AGBL1: variants seen among roughly 807,000 people sequenced by gnomAD.
AGBL1 encodes the protein AGBL carboxypeptidase 1.
In AGBL1, 130 loss-of-function variants were observed where a neutral mutation model predicts 118.9. That is an observed-to-expected ratio of 1.09 (90% confidence interval 0.95 to 1.26). AGBL1 has a LOEUF of 1.26. Ranked by LOEUF, AGBL1 falls within the 50% of genes most tolerant of loss-of-function variation. AGBL1 has a pLI of 0.00. For synonymous variants in AGBL1, 555 were observed against 478.9 expected, an observed-to-expected ratio of 1.16 and a Z score of -2.08; for missense variants, 1,584 against 1,298.1, an observed-to-expected ratio of 1.22 and a Z score of -3.38.
chr15:86,402,222 A>T (rs1160398488), intron 18 of AGBL1, among the ~76,000 whole-genome samples: 1 of 150,762 alleles, frequency 6.6e-6, no homozygotes, highest in African/African-American at 2.5e-5. Flanking sequence ...TTATTTTTAC[A>T]GCTGTTGCAA....
At chr15:86,534,459 G>T (rs1310101638) in intron 19 of AGBL1, among the ~76,000 whole-genome samples, 1 of 152,156 alleles carries the variant, frequency 6.6e-6, no homozygotes, top group Non-Finnish European at 1.5e-5. Context: ...GAAAGTCCAG[G>T]AGTTTTCTGT....
chr15:86,227,645 T>A (rs1226522511), intron 6 of AGBL1, among the ~76,000 whole-genome samples: 1 of 152,240 alleles, frequency 6.6e-6, no homozygotes, highest in Non-Finnish European at 1.5e-5. Flanking sequence ...GGTACACACA[T>A]GAGCTGAAGC....
At chr15:86,237,871 C>T (rs2078578539) in intron 6 of AGBL1, among the ~76,000 whole-genome samples, 1 of 152,170 alleles carries the variant, frequency 6.6e-6, no homozygotes, top group Non-Finnish European at 1.5e-5. Flanking sequence ...CCCTGCTCAC[C>T]TTTCCCGTCA....
chr15:86,551,934 C>A (rs2083668637), intron 20 of AGBL1, among the ~76,000 whole-genome samples: 1 of 152,162 alleles, frequency 6.6e-6, no homozygotes, highest in African/African-American at 2.4e-5. Context: ...CTGGAGAAAG[C>A]AAAACCATGG....
intron 21 of AGBL1, among the ~76,000 whole-genome samples, chr15:86,574,550 T>C (rs991806829): frequency 6.7e-6 from 1 of 149,918 alleles, no homozygotes; most frequent in African/African-American, 2.4e-5. Context: ...ATATGTTCTA[T>C]ACAATTCTTA....
chr15:86,479,978 C>T (rs1350627650), intron 18 of AGBL1, among the ~76,000 whole-genome samples: 2 of 151,940 alleles, frequency 1.3e-5, no homozygotes, highest in Admixed American at 6.6e-5. Flanking sequence ...AGCAAACTAT[C>T]GCAAGGACAA....
chr15:86,900,174 T>C lies in AGBL1; in HGVS notation c.3159-6913T>C, dbSNP rs149494807. 5.8e-3 allele frequency among the ~76,000 whole-genome samples: 887 copies of C among 152,272 alleles called. 5 individuals are homozygous for C. The highest frequency in any genetic ancestry group is 0.018 in the African/African-American group (742 of 41,570). On this transcript the variant is annotated intron_variant, in intron 22 of 22. Coordinates refer to ENST00000614907, the MANE Select transcript of AGBL1 (RefSeq NM_001386094.1). ...TGTTGTCTTCCCTACTTTTGAGGTT[T>C]TGGGGACTCAGACTGGCTTTCTGGC...
intron 22 of AGBL1, among the ~76,000 whole-genome samples, chr15:86,680,565 C>CTTTTTTTTTTTTTTTTTTTTTTTT (rs34873609): frequency 3.8e-4 from 36 of 94,704 alleles, no homozygotes; most frequent in African/African-American, 5.5e-4. Flanking sequence ...TCTTTCTTTT[C>CTTTTTTTTTTTTTTTTTTTTTTTT]TTTTTTTTTT....
At chr15:86,991,090 T>C (rs1454113745) in intron 24 of AGBL1, among the ~76,000 whole-genome samples, 2 of 152,240 alleles carry the variant, frequency 1.3e-5, no homozygotes, top group Non-Finnish European at 2.9e-5. Context: ...AGACCTGCAA[T>C]GTAGTTTTTT....
intron 21 of AGBL1, among the ~76,000 whole-genome samples, chr15:86,580,862 T>A (rs962177735): frequency 1.2e-4 from 18 of 152,186 alleles, no homozygotes; most frequent in Non-Finnish European, 2.5e-4. Context: ...GATAAGAATT[T>A]TCCACATTGC....
chr15:86,598,432 A>T (rs538266759), intron 21 of AGBL1, among the ~76,000 whole-genome samples: 13 of 152,272 alleles, frequency 8.5e-5, no homozygotes, highest in African/African-American at 2.9e-4. Flanking sequence ...AATGCAAAAT[A>T]TAGCCAGTTC....
chr15:86,966,175 T>C (rs1005708700), intron 23 of AGBL1, among the ~76,000 whole-genome samples: 2 of 151,960 alleles, frequency 1.3e-5, no homozygotes, highest in African/African-American at 4.8e-5. Context: ...TATCAGGGAC[T>C]CTGTAGTATT....
chr15:86,082,801 G>T (rs1895373210), intron 1 of AGBL1, among the ~76,000 whole-genome samples: 1 of 152,178 alleles, frequency 6.6e-6, no homozygotes, highest in Admixed American at 6.5e-5. Flanking sequence ...TTACAGCGTG[G>T]GTGTGAGGCA....
chr15:86,161,947 T>C (rs1010539058), intron 5 of AGBL1, among the ~76,000 whole-genome samples: 20 of 152,252 alleles, frequency 1.3e-4, no homozygotes, highest in African/African-American at 4.8e-4. Context: ...AAATAATGTG[T>C]AAAGACATCG....
At chr15:86,483,637 A>G (rs1046605646) in intron 18 of AGBL1, among the ~76,000 whole-genome samples, 1 of 152,048 alleles carries the variant, frequency 6.6e-6, no homozygotes, top group Non-Finnish European at 1.5e-5. Flanking sequence ...CAGGGGGAAA[A>G]GTTGATGATT....
chr15:86,965,360 G>T (rs1298018197), intron 23 of AGBL1, among the ~76,000 whole-genome samples: 2 of 151,780 alleles, frequency 1.3e-5, no homozygotes, highest in East Asian at 1.9e-4. Flanking sequence ...TGTGGTTTTG[G>T]TTTGCATTTC....
chr15:86,162,210 C>A (rs1055124517), intron 5 of AGBL1, among the ~76,000 whole-genome samples: 1 of 152,058 alleles, frequency 6.6e-6, no homozygotes, highest in African/African-American at 2.4e-5. Flanking sequence ...GGGATAAAGT[C>A]GCATGTCAGG....
intron 5 of AGBL1, among the ~76,000 whole-genome samples, chr15:86,199,337 A>G (rs1481695004): frequency 1.3e-5 from 2 of 152,196 alleles, no homozygotes; most frequent in African/African-American, 2.4e-5. Flanking sequence ...TCCAAAATAT[A>G]TAATTTTGGA....
chr15:86,697,102 C>A (rs193227130), intron 22 of AGBL1, among the ~76,000 whole-genome samples: 2 of 151,926 alleles, frequency 1.3e-5, no homozygotes, highest in South Asian at 4.2e-4. Context: ...TGATAAATTT[C>A]CCAGGTGTTC....
Sources: gnomAD v4.1 joint callset for allele counts (sites outside exome capture counted in the v4.1 genomes callset) on GRCh38, gnomAD v4.1.1 for gene constraint, MANE v1.5 for transcripts, NCBI Gene and HGNC (gene_info 2026-07-23, HGNC 2026-07-21) for gene names.